Variants in CHST9 observed in about 807,000 individuals in gnomAD.
The protein encoded by CHST9 is carbohydrate sulfotransferase 9.
In CHST9, 41 loss-of-function variants were observed where a neutral mutation model predicts 44.4. That is an observed-to-expected ratio of 0.92 (90% confidence interval 0.72 to 1.20). The LOEUF (loss-of-function observed/expected upper bound fraction) is 1.20, where lower values mean the gene tolerates loss of function less well. Among genes scored for constraint, CHST9 ranks in the 50% most tolerant of loss-of-function variants. CHST9 has a pLI of 0.00. For synonymous variants in CHST9, 171 were observed against 178.4 expected (o/e 0.96, Z 0.33); for missense variants, 504 against 516.5 (o/e 0.98, Z 0.23).
At chr18:27,156,360 A>G (rs1329951003) in intron 1 of CHST9, among the ~76,000 whole-genome samples, 1 of 152,074 alleles carries the variant, frequency 6.6e-6, no homozygotes. Context: ...TTAAATAAAA[A>G]TAAGGTATTT....
intron 1 of CHST9, among the ~76,000 whole-genome samples, chr18:27,145,893 C>T (rs2058608121): frequency 2.0e-5 from 3 of 152,090 alleles, no homozygotes. Flanking sequence ...CTTGATGCTG[C>T]CATTAAACAA....
At chr18:27,161,573 A>G (rs2058747347) in intron 1 of CHST9, among the ~76,000 whole-genome samples, 2 of 152,182 alleles carry the variant, frequency 1.3e-5, no homozygotes, top group Non-Finnish European at 2.9e-5. Context: ...GGTGCCGAGA[A>G]GAATGTATAT....
Position 27,013,596 on chromosome 18 carries a change from A to C in CHST9, c.202+10520T>G, listed in dbSNP as rs138823693. Among the ~76,000 whole-genome samples the C allele has an allele frequency of 1.7e-3, 252 of 152,346 alleles. 1 individual carries two copies. Among genetic ancestry groups the C allele is most frequent in the African/African-American group, 5.5e-3 (229 of 41,578 alleles). ...AAGAAAGGGCTCCTTGACTTAAAAA[A>C]ATTAGCAAAGAGCCTTACTCAAGGT... is the stretch of plus-strand genomic sequence containing the variant. On this transcript the variant is annotated intron_variant, in intron 4 of 5. Transcript: ENST00000618847.
At chr18:27,060,785 T>G (rs2057712530) in intron 2 of CHST9, among the ~76,000 whole-genome samples, 1 of 152,222 alleles carries the variant, frequency 6.6e-6, no homozygotes, top group African/African-American at 2.4e-5. Context: ...CATTTCTGGC[T>G]AATGACATGT....
intron 1 of CHST9, among the ~76,000 whole-genome samples, chr18:27,179,098 CTCTCTCTATA>C (rs1567951424): frequency 5.6e-5 from 7 of 124,950 alleles, no homozygotes; most frequent in African/African-American, 2.3e-4. Context: ...CTCTCTCTCT[CTCTCTCTATA>C]TATATATATA....
chr18:27,065,861 G>C (rs2057776970), intron 2 of CHST9, among the ~76,000 whole-genome samples: 1 of 152,140 alleles, frequency 6.6e-6, no homozygotes, highest in Admixed American at 6.5e-5. Context: ...AAGTCACTTT[G>C]GCTTTATAGT....
intron 2 of CHST9, among the ~76,000 whole-genome samples, chr18:27,102,635 T>G (rs1017126585): frequency 6.6e-6 from 1 of 152,232 alleles, no homozygotes; most frequent in Non-Finnish European, 1.5e-5. Flanking sequence ...AATTTGATAT[T>G]AAGCTTTGCA....
chr18:27,002,618 G>C (rs2056967184), intron 4 of CHST9, among the ~76,000 whole-genome samples: 1 of 152,182 alleles, frequency 6.6e-6, no homozygotes, highest in South Asian at 2.1e-4. Flanking sequence ...GCTAATGTAA[G>C]TGTTTTGTAG....
At chr18:26,924,098 C>T (rs1382223447) in intron 5 of CHST9, among the ~76,000 whole-genome samples, 6 of 152,068 alleles carry the variant, frequency 3.9e-5, no homozygotes, top group South Asian at 2.1e-4. Context: ...ACAAGATTCA[C>T]GATTTAAAAC....
chr18:27,073,986 T>C (rs1293827847), intron 2 of CHST9, among the ~76,000 whole-genome samples: 1 of 152,194 alleles, frequency 6.6e-6, no homozygotes, highest in Non-Finnish European at 1.5e-5. Context: ...CATTCATCTT[T>C]GATAAGTAGC....
chr18:26,918,261 G>T (rs2145049873), intron 5 of CHST9, among the ~76,000 whole-genome samples: 1 of 152,210 alleles, frequency 6.6e-6, no homozygotes, highest in African/African-American at 2.4e-5. Flanking sequence ...AACTTTTGTA[G>T]GGCTCTGGGT....
intron 2 of CHST9, among the ~76,000 whole-genome samples, chr18:27,139,656 T>C (rs2058548551): frequency 6.6e-6 from 1 of 152,186 alleles, no homozygotes; most frequent in Admixed American, 6.5e-5. Context: ...TACAGGACTC[T>C]TGACTTTTAC....
At chr18:27,053,155 G>A (rs568018138) in intron 2 of CHST9, among the ~76,000 whole-genome samples, 1 of 143,746 alleles carries the variant, frequency 7.0e-6, no homozygotes, top group South Asian at 2.3e-4. Flanking sequence ...AGAAGAAGAA[G>A]AAGAAGAAGA....
chr18:27,183,430 C>T (rs1206172092), intron 1 of CHST9, among the ~76,000 whole-genome samples: 1 of 152,114 alleles, frequency 6.6e-6, no homozygotes, highest in Non-Finnish European at 1.5e-5. Context: ...TTTGGACTAT[C>T]ACCAAGCCTC....
intron 2 of CHST9, among the ~76,000 whole-genome samples, chr18:27,127,106 G>C (rs917536539): frequency 1.3e-5 from 2 of 152,042 alleles, no homozygotes; most frequent in South Asian, 4.2e-4. Flanking sequence ...TGAGTTTAAG[G>C]GGTCTGGAGA....
At chr18:27,153,918 T>C (rs892972264) in intron 1 of CHST9, among the ~76,000 whole-genome samples, 1 of 152,150 alleles carries the variant, frequency 6.6e-6, no homozygotes, top group Admixed American at 6.6e-5. Context: ...AGAAAGCATG[T>C]AGTTCCTGCT....
rs78467490 is a variant in CHST9 at position 26,991,902 on chromosome 18, G to A, written c.202+32214C>T. ...GGCTTTGAGAAGGAATGGACAAGAA[G>A]AACTCCTTTGAAGAGCATTGCTGCA... is the stretch of plus-strand genomic sequence containing the variant. On this transcript the variant is annotated intron_variant, in intron 4 of 5. Coordinates refer to ENST00000618847, the MANE Select transcript of CHST9 (RefSeq NM_031422.6). 2.8e-3 allele frequency among the ~76,000 whole-genome samples: 361 copies of A among 127,974 alleles called. 52 individuals are homozygous for A. Among genetic ancestry groups the A allele is most frequent in the African/African-American group, 9.0e-3 (342 of 38,010 alleles). The allele number at this position is 127,974 out of a possible 152,430, so 84.0% of individuals were successfully genotyped here.
At chr18:27,060,266 G>C (rs989954267) in intron 2 of CHST9, among the ~76,000 whole-genome samples, 7 of 152,218 alleles carry the variant, frequency 4.6e-5, no homozygotes, top group Admixed American at 2.0e-4. Flanking sequence ...GCCTTCAAGT[G>C]GGGGCTGGAA....
intron 1 of CHST9, among the ~76,000 whole-genome samples, chr18:27,153,586 G>GTGTC: frequency 6.6e-6 from 1 of 151,692 alleles, no homozygotes; most frequent in Admixed American, 6.6e-5. Flanking sequence ...GTGTGTGTGT[G>GTGTC]TGTGCCTTCT....
Sources: gnomAD v4.1 joint callset for allele counts (sites outside exome capture counted in the v4.1 genomes callset) on GRCh38, gnomAD v4.1.1 for gene constraint, MANE v1.5 for transcripts, NCBI Gene and HGNC (gene_info 2026-07-23, HGNC 2026-07-21) for gene names.